SORCS3: variants seen among roughly 807,000 people sequenced by gnomAD.
SORCS3 encodes VPS10 domain-containing receptor SorCS3.
A neutral mutation model predicts 146.3 loss-of-function variants in SORCS3; 57 were observed. That is an observed-to-expected ratio of 0.39 (90% confidence interval 0.31 to 0.49). SORCS3 has a LOEUF of 0.49. Among genes scored for constraint, SORCS3 ranks in the 20% least tolerant of loss-of-function variants. The pLI is 0.92. For synonymous variants in SORCS3, 653 were observed against 618.5 expected (o/e 1.06, Z -0.83); for missense variants, 1,341 against 1,575.5 (o/e 0.85, Z 2.52).
In SORCS3 at chr10:104,936,899, G is replaced by A. The variant is rs1221631706; in HGVS notation, c.795+20967G>A. Among the ~76,000 whole-genome samples the A allele has an allele frequency of 2.0e-5, 3 of 152,180 alleles. No homozygotes were observed. The East Asian group carries it at 5.8e-4, about 29-fold the overall frequency. ...TCAAGTGCTTTGGTAACACAAAGGA[G>A]GGACTGATTAATCTACCATGAATGT... On this transcript the variant is annotated intron_variant, in intron 3 of 26. Transcript: ENST00000369701.
At chr10:104,872,484 C>G (rs7075689) in intron 2 of SORCS3, among the ~76,000 whole-genome samples, 4,526 of 152,042 alleles carry the variant, frequency 0.03, 231 homozygotes, top group African/African-American at 0.1. Flanking sequence ...TACAGTCCTG[C>G]TAACGTGTCA....
chr10:105,163,253 G>A (rs945808341), intron 11 of SORCS3, among the ~76,000 whole-genome samples: 31 of 152,244 alleles, frequency 2.0e-4, no homozygotes, highest in African/African-American at 7.5e-4. Context: ...TAAATGTCAG[G>A]AGCTCAATTA....
intron 4 of SORCS3, among the ~76,000 whole-genome samples, chr10:104,988,260 C>A (rs916348841): frequency 6.6e-6 from 1 of 152,096 alleles, no homozygotes; most frequent in Non-Finnish European, 1.5e-5. Flanking sequence ...AAGACAGAAC[C>A]GCATATGGGC....
intron 2 of SORCS3, among the ~76,000 whole-genome samples, chr10:104,848,500 G>A (rs114606384): frequency 2.6e-3 from 391 of 152,140 alleles, no homozygotes; most frequent in African/African-American, 9.1e-3. Flanking sequence ...CCAATTCCTT[G>A]GTGGAATTCC....
intron 1 of SORCS3, among the ~76,000 whole-genome samples, chr10:104,792,040 T>C (rs142082300): frequency 8.9e-4 from 135 of 152,230 alleles, no homozygotes; most frequent in African/African-American, 3.0e-3. Flanking sequence ...TAGTTAAAAA[T>C]CTTTTGCCAA....
At chr10:105,151,790 G>T (rs2056169590) in intron 9 of SORCS3, among the ~76,000 whole-genome samples, 1 of 152,006 alleles carries the variant, frequency 6.6e-6, no homozygotes, top group Non-Finnish European at 1.5e-5. Flanking sequence ...GCTGTAGAGA[G>T]ATTCTCCTGC....
At chr10:104,826,972 C>A (rs2017943830) in intron 1 of SORCS3, among the ~76,000 whole-genome samples, 1 of 152,202 alleles carries the variant, frequency 6.6e-6, no homozygotes, top group South Asian at 2.1e-4. Flanking sequence ...GCTTTCTTTT[C>A]TCATCTGTTT....
intron 14 of SORCS3, among the ~76,000 whole-genome samples, chr10:105,184,639 TA>T: frequency 6.6e-6 from 1 of 152,322 alleles, no homozygotes; most frequent in African/African-American, 2.4e-5. Flanking sequence ...CTTATTTCTT[TA>T]AAAAAGTTTT....
chr10:104,813,957 G>A (rs1022533639), intron 1 of SORCS3, among the ~76,000 whole-genome samples: 5 of 147,382 alleles, frequency 3.4e-5, no homozygotes, highest in African/African-American at 1.3e-4. Context: ...GCCAGGGGGT[G>A]TGGTCTTTAA....
At chr10:105,199,256 C>T (rs927384311) in intron 14 of SORCS3, among the ~76,000 whole-genome samples, 5 of 150,354 alleles carry the variant, frequency 3.3e-5, no homozygotes, top group Non-Finnish European at 7.4e-5. Flanking sequence ...TTTCTAGAAA[C>T]AATTGATCAT....
chr10:105,260,662 C>T (rs1004450712), intron 25 of SORCS3, among the ~76,000 whole-genome samples: 5 of 152,140 alleles, frequency 3.3e-5, no homozygotes, highest in African/African-American at 9.7e-5. Context: ...GCAGGAAACC[C>T]GTATTAAGTG....
intron 1 of SORCS3, among the ~76,000 whole-genome samples, chr10:104,833,349 A>G (rs1246300594): frequency 6.6e-6 from 1 of 152,190 alleles, no homozygotes; most frequent in Non-Finnish European, 1.5e-5. Flanking sequence ...TTATGTTGGT[A>G]GATTGGGAAC....
At chr10:105,138,326 C>G (rs957877966) in intron 7 of SORCS3, among the ~76,000 whole-genome samples, 1 of 152,098 alleles carries the variant, frequency 6.6e-6, no homozygotes, top group African/African-American at 2.4e-5. Flanking sequence ...TCTCCCTCCC[C>G]GAGTGAGGAG....
At chr10:105,122,596 G>A (rs920857116) in intron 7 of SORCS3, among the ~76,000 whole-genome samples, 3 of 152,132 alleles carry the variant, frequency 2.0e-5, no homozygotes, top group Non-Finnish European at 4.4e-5. Context: ...TAAATGAAGG[G>A]CATGTGATAG....
At chr10:104,721,168 G>A (rs1056552214) in intron 1 of SORCS3, among the ~76,000 whole-genome samples, 116 of 152,254 alleles carry the variant, frequency 7.6e-4, no homozygotes, top group African/African-American at 2.2e-3. Context: ...GTGTAAGGAA[G>A]GGATCCAGTT....
intron 14 of SORCS3, among the ~76,000 whole-genome samples, chr10:105,198,584 G>A (rs1235483712): frequency 6.6e-6 from 1 of 152,172 alleles, no homozygotes; most frequent in Non-Finnish European, 1.5e-5. Flanking sequence ...TTGATGAATT[G>A]GATTTGGAAA....
chr10:105,245,922 G>T (rs552684538), intron 21 of SORCS3, among the ~76,000 whole-genome samples: 2 of 152,142 alleles, frequency 1.3e-5, no homozygotes, highest in Admixed American at 6.5e-5. Flanking sequence ...ACAAAGACAC[G>T]TATCACAAAT....
chr10:105,016,121 G>C (rs1422037200), intron 4 of SORCS3, among the ~76,000 whole-genome samples: 4 of 133,750 alleles, frequency 3.0e-5, no homozygotes, highest in Admixed American at 1.5e-4. Context: ...TTACATATTA[G>C]AAATATTATA....
At chr10:105,193,259 T>C (rs1280292174) in intron 14 of SORCS3, among the ~76,000 whole-genome samples, 1 of 152,192 alleles carries the variant, frequency 6.6e-6, no homozygotes, top group Non-Finnish European at 1.5e-5. Context: ...ATTACTTGCC[T>C]GAGATTGTTT....
Sources: gnomAD v4.1 joint callset for allele counts (sites outside exome capture counted in the v4.1 genomes callset) on GRCh38, gnomAD v4.1.1 for gene constraint, MANE v1.5 for transcripts, NCBI Gene and HGNC (gene_info 2026-07-23, HGNC 2026-07-21) for gene names.